PPP4R3B: variants seen among roughly 807,000 people sequenced by gnomAD.
PPP4R3B encodes protein phosphatase 4 regulatory subunit 3B, also known as serine/threonine-protein phosphatase 4 regulatory subunit 3B.
PPP4R3B carries 52 observed loss-of-function variants against 95.4 expected under a neutral mutation model. The observed-to-expected ratio is 0.54, with a 90% confidence interval of 0.44 to 0.69. The LOEUF (loss-of-function observed/expected upper bound fraction) is 0.69, where lower values mean the gene tolerates loss of function less well. PPP4R3B is among the 30% of genes least tolerant of loss of function. The pLI is 0.00. For missense variants in PPP4R3B, 1,003 were observed against 1,005.9 expected, an observed-to-expected ratio of 1.00 and a Z score of 0.04; for synonymous variants, 407 against 343.9, an observed-to-expected ratio of 1.18 and a Z score of -2.03.
chr2:55,612,933 G>A (rs953570053), intron 2 of PPP4R3B, among the ~76,000 whole-genome samples: 10 of 149,396 alleles, frequency 6.7e-5, no homozygotes, highest in Non-Finnish European at 1.5e-4. Flanking sequence ...ACGACAGAGC[G>A]AGACTCCATC....
In PPP4R3B at chr2:55,578,331, T is replaced by TA; in HGVS notation, c.1479_1480insT (p.Lys494Ter). On this transcript the variant is annotated frameshift_variant, in exon 10 of 17. Coordinates refer to ENST00000616407, the MANE Select transcript of PPP4R3B (RefSeq NM_001122964.3). LOFTEE classifies it high-confidence loss of function. The stretch of plus-strand genomic sequence containing the variant: ...AAACTCCAACTATATCTGTAATGTT[T>TA]TAAAAAAAAATCTGAAAAAAAATAT... The TA allele has an allele frequency of 7.0e-7, 1 of 1,419,174 alleles. No homozygotes were observed. The highest frequency in any genetic ancestry group is 9.2e-7 in the Non-Finnish European group (1 of 1,083,212). 87.9% of individuals were successfully genotyped at this position (1,419,174 alleles called of 1,614,324 possible).
At chr2:55,610,777 C>T (rs1213699710) in intron 2 of PPP4R3B, among the ~76,000 whole-genome samples, 3 of 152,018 alleles carry the variant, frequency 2.0e-5, no homozygotes, top group Non-Finnish European at 4.4e-5. Context: ...TCATCTGTTA[C>T]ATCCTGCCTC....
intron 16 of PPP4R3B, among the ~76,000 whole-genome samples, chr2:55,556,979 G>T (rs186194858): frequency 3.9e-5 from 6 of 152,284 alleles, no homozygotes; most frequent in Admixed American, 3.9e-4. Context: ...GGGAGGATCA[G>T]TTGAGCCCAG....
chr2:55,551,753 A>G (rs927432433), intron 16 of PPP4R3B, among the ~76,000 whole-genome samples: 1 of 151,156 alleles, frequency 6.6e-6, no homozygotes, highest in African/African-American at 2.4e-5. Context: ...CTCCATCTCA[A>G]AAATAAATAA....
intron 2 of PPP4R3B, among the ~76,000 whole-genome samples, chr2:55,606,026 A>G (rs1693340195): frequency 6.6e-6 from 1 of 151,950 alleles, no homozygotes. Context: ...GAACCTCCAT[A>G]TATAAAAAAA....
chr2:55,597,546 C>T (rs1572687230), intron 4 of PPP4R3B, among the ~76,000 whole-genome samples: 3 of 152,120 alleles, frequency 2.0e-5, no homozygotes, highest in Non-Finnish European at 2.9e-5. Flanking sequence ...GGCGTGAACC[C>T]GGGAGGCGGA....
At chr2:55,574,431 A>C (rs970293013) in intron 11 of PPP4R3B, among the ~76,000 whole-genome samples, 2 of 151,958 alleles carry the variant, frequency 1.3e-5, no homozygotes, top group Non-Finnish European at 1.5e-5. Flanking sequence ...ATTAATATTA[A>C]TAAATCTATA....
intron 3 of PPP4R3B, among the ~76,000 whole-genome samples, chr2:55,599,286 A>G (rs971580599): frequency 6.6e-6 from 1 of 151,890 alleles, no homozygotes; most frequent in African/African-American, 2.4e-5. Context: ...AAAAATACAA[A>G]AATCAGCCAG....
At chr2:55,581,147 G>T (rs1445084211) in intron 8 of PPP4R3B, among the ~76,000 whole-genome samples, 2 of 152,074 alleles carry the variant, frequency 1.3e-5, no homozygotes, top group African/African-American at 4.8e-5. Flanking sequence ...CAGCTACTTG[G>T]GAGGCTGAGG....
At chr2:55,588,851 C>CTTT (rs982836404) in intron 5 of PPP4R3B, 28 bp downstream of exon 5, 3 of 1,515,584 alleles carry the variant, frequency 2.0e-6, no homozygotes, top group African/African-American at 2.8e-5. Context: ...AATAAGTGCT[C>CTTT]TTTAAGAGTT....
chr2:55,616,972 G>A (rs1695039230), intron 1 of PPP4R3B, among the ~76,000 whole-genome samples, 172 bp downstream of exon 1: 2 of 152,112 alleles, frequency 1.3e-5, no homozygotes, highest in African/African-American at 2.4e-5. Flanking sequence ...CGGTCTCCGA[G>A]GATAAGTCCA....
chr2:55,553,620 C>A (rs1049815347), intron 16 of PPP4R3B, among the ~76,000 whole-genome samples: 2 of 151,984 alleles, frequency 1.3e-5, no homozygotes, highest in Non-Finnish European at 2.9e-5. Flanking sequence ...ACCCCCCACA[C>A]CACCCAGCTC....
chr2:55,588,960 C>A lies in PPP4R3B; in HGVS notation c.922-4G>T, dbSNP rs748924181. On this transcript the variant is annotated splice_region_variant and splice_polypyrimidine_tract_variant and intron_variant, in intron 4 of 16. Coordinates refer to ENST00000616407, the MANE Select transcript of PPP4R3B (RefSeq NM_001122964.3). ...CAGACAAAAACTTCTCATCTTCCTG[C>A]ATGAGAAAAATAATTACTATGAAAT... 1.9e-6 allele frequency: 3 copies of A among 1,564,096 alleles called. No individual in the cohort carries two copies. Among genetic ancestry groups the A allele is most frequent in the Middle Eastern group, 1.7e-4 (1 of 5,924 alleles).
At chr2:55,565,752 C>T (rs1406544542) in intron 13 of PPP4R3B, 1 of 209,818 alleles carries the variant, frequency 4.8e-6, no homozygotes, top group Admixed American at 4.2e-5. Flanking sequence ...TCAAATGAGC[C>T]TAACTCTGCC....
intron 16 of PPP4R3B, among the ~76,000 whole-genome samples, chr2:55,554,393 C>G (rs1194798232): frequency 6.6e-6 from 1 of 152,218 alleles, no homozygotes; most frequent in Non-Finnish European, 1.5e-5. Context: ...ATGGGTGTCA[C>G]AATTTACATT....
chr2:55,574,902 A>C (rs1003691100), intron 11 of PPP4R3B, among the ~76,000 whole-genome samples: 1 of 148,918 alleles, frequency 6.7e-6, no homozygotes, highest in African/African-American at 2.5e-5. Flanking sequence ...CCTGATTCTT[A>C]AACATGATTT....
chr2:55,600,414 G>T (rs148094052), intron 3 of PPP4R3B, among the ~76,000 whole-genome samples: 2,654 of 89,992 alleles, frequency 0.029, 109 homozygotes, highest in African/African-American at 0.11. Context: ...CAACGAGAGT[G>T]AAACTCTGTC....
chr2:55,587,782 G>T (rs1690363772), intron 5 of PPP4R3B, among the ~76,000 whole-genome samples: 1 of 152,060 alleles, frequency 6.6e-6, no homozygotes, highest in Non-Finnish European at 1.5e-5. Flanking sequence ...CTGGTTTAAG[G>T]ACTGAAATGT....
intron 3 of PPP4R3B, among the ~76,000 whole-genome samples, chr2:55,599,649 C>A (rs978338667): frequency 7.2e-5 from 11 of 152,104 alleles, no homozygotes; most frequent in Admixed American, 2.0e-4. Flanking sequence ...TCAGAGACAG[C>A]CAATGAACTC....
Sources: allele counts gnomAD v4.1 joint callset (sites outside exome capture counted in the v4.1 genomes callset), GRCh38; gene constraint gnomAD v4.1.1; transcripts MANE v1.5; gene names NCBI Gene and HGNC (gene_info 2026-07-23, HGNC 2026-07-21).